AKAP6: variants seen among roughly 807,000 people sequenced by gnomAD.
AKAP6 encodes the protein A-kinase anchoring protein 6, also known as A-kinase anchor protein 6.
In AKAP6, 58 loss-of-function variants were observed where a neutral mutation model predicts 188.5. The ratio of observed to expected loss-of-function variants is 0.31; its 90% confidence interval spans 0.25 to 0.38. The LOEUF is 0.38. Among genes scored for constraint, AKAP6 ranks in the 10% least tolerant of loss-of-function variants. AKAP6 has a pLI of 1.00. For synonymous variants in AKAP6, 989 were observed against 998.6 expected, an observed-to-expected ratio of 0.99 and a Z score of 0.18; for missense variants, 2,710 against 2,740.0, an observed-to-expected ratio of 0.99 and a Z score of 0.24.
chr14:32,398,104 G>C (rs1436382625), intron 1 of AKAP6, among the ~76,000 whole-genome samples: 1 of 152,216 alleles, frequency 6.6e-6, no homozygotes, highest in African/African-American at 2.4e-5. Context: ...TAAGAGAAGA[G>C]AACTCCCTCT....
intron 1 of AKAP6, among the ~76,000 whole-genome samples, chr14:32,335,842 C>CTTTTTTTTTT (rs375076849): frequency 4.6e-4 from 43 of 94,012 alleles, no homozygotes; most frequent in East Asian, 5.7e-4. Context: ...TCCTTTTCTC[C>CTTTTTTTTTT]TTTTTTTTTT....
intron 1 of AKAP6, among the ~76,000 whole-genome samples, chr14:32,411,153 G>A (rs1358224593): frequency 6.6e-6 from 1 of 152,074 alleles, no homozygotes; most frequent in African/African-American, 2.4e-5. Context: ...CATCTAATGA[G>A]TAGAGGCCAC....
At position 32,808,132 on chromosome 14, in the gene AKAP6, T is replaced by C. The variant is rs532291988; in HGVS notation, c.3589-13270T>C. ...TTATTATTTGTGTTACTTTCTTGAATCTTGTCATCCCCAATAATTAGAAAA... is the reference window on the plus strand; with the variant it reads ...TTATTATTTGTGTTACTTTCTTGAACCTTGTCATCCCCAATAATTAGAAAA... On this transcript the variant is annotated intron_variant, in intron 12 of 13. Coordinates refer to ENST00000280979, the MANE Select transcript of AKAP6 (RefSeq NM_004274.5). 1.1e-4 allele frequency among the ~76,000 whole-genome samples: 17 copies of C among 152,358 alleles called. No homozygotes were observed. The East Asian group carries it at 3.3e-3, about 29-fold the overall frequency.
At chr14:32,581,639 G>C (rs1202076526) in intron 5 of AKAP6, among the ~76,000 whole-genome samples, 1 of 152,164 alleles carries the variant, frequency 6.6e-6, no homozygotes, top group South Asian at 2.1e-4. Flanking sequence ...AAGTCTCTTT[G>C]TAGGTCACTC....
At chr14:32,747,858 T>C (rs184829719) in intron 11 of AKAP6, among the ~76,000 whole-genome samples, 1 of 152,354 alleles carries the variant, frequency 6.6e-6, no homozygotes, top group African/African-American at 2.4e-5. Context: ...ATGATTCCTA[T>C]GAAGTAGAGA....
rs541836857 is a variant in AKAP6 at position 32,350,771 on chromosome 14, A to G, written c.-35+21363A>G. Among the ~76,000 whole-genome samples the G allele has an allele frequency of 2.0e-5, 3 of 152,162 alleles. No individual in the cohort carries two copies. In the South Asian group the frequency reaches 6.2e-4, roughly 32 times the overall value. On this transcript the variant is annotated intron_variant, in intron 1 of 13. Transcript: ENST00000280979. ...AAATGTATTAAATGAATAAGTAAAT[A>G]AATATATATATGTATAAATAGTTGA...
intron 4 of AKAP6, among the ~76,000 whole-genome samples, chr14:32,563,359 A>G (rs1359544628): frequency 2.6e-5 from 4 of 152,190 alleles, no homozygotes; most frequent in Non-Finnish European, 5.9e-5. Flanking sequence ...TAAAAATCAT[A>G]TCTGCCACAG....
intron 2 of AKAP6, among the ~76,000 whole-genome samples, chr14:32,472,439 G>A (rs1878834243): frequency 6.6e-6 from 1 of 152,162 alleles, no homozygotes; most frequent in Non-Finnish European, 1.5e-5. Context: ...TTCAATAGAA[G>A]TGTTTTCTCT....
chr14:32,701,496 A>G (rs1169243119), intron 9 of AKAP6, among the ~76,000 whole-genome samples: 1 of 152,114 alleles, frequency 6.6e-6, no homozygotes, highest in East Asian at 1.9e-4. Flanking sequence ...TTAAAATACA[A>G]GGGCTTAGAA....
intron 2 of AKAP6, among the ~76,000 whole-genome samples, chr14:32,527,411 C>T (rs1296358373): frequency 2.6e-5 from 4 of 151,792 alleles, no homozygotes; most frequent in East Asian, 3.9e-4. Context: ...TGAATAAAGC[C>T]GCTATAAACA....
chr14:32,346,462 A>C (rs1046725873), intron 1 of AKAP6, among the ~76,000 whole-genome samples: 3 of 152,220 alleles, frequency 2.0e-5, no homozygotes, highest in Admixed American at 2.0e-4. Context: ...TAACTTCCCA[A>C]AAACTCTGTG....
intron 1 of AKAP6, among the ~76,000 whole-genome samples, chr14:32,388,954 G>A (rs1198578933): frequency 6.6e-6 from 1 of 152,014 alleles, no homozygotes; most frequent in Non-Finnish European, 1.5e-5. Context: ...GTGGAGTACT[G>A]AGGTCCCCCA....
chr14:32,605,113 T>C (rs1886079677), intron 7 of AKAP6, among the ~76,000 whole-genome samples: 1 of 149,414 alleles, frequency 6.7e-6, no homozygotes, highest in South Asian at 2.2e-4. Context: ...CTGAGGATAA[T>C]GGACAAGCCT....
chr14:32,690,678 C>T (rs1399737429), intron 8 of AKAP6, among the ~76,000 whole-genome samples: 3 of 152,222 alleles, frequency 2.0e-5, no homozygotes, highest in African/African-American at 4.8e-5. Flanking sequence ...AAATTTCGCA[C>T]ATCTATTTCT....
At position 32,819,933 on chromosome 14, in the gene AKAP6, G is replaced by A. The variant is rs201453890; in HGVS notation, c.3589-1469G>A. Among the ~76,000 whole-genome samples, 10 of 152,038 alleles carry A rather than the reference G, an allele frequency of 6.6e-5. No individual in the cohort carries two copies. The East Asian group carries it at 1.9e-3, about 29-fold the overall frequency. ...ACTGCACTCCAGCCTGAGCGACAGAGCAAGACTGTGTCAAAAAAAGAAATA... is the reference window on the plus strand; with the variant it reads ...ACTGCACTCCAGCCTGAGCGACAGAACAAGACTGTGTCAAAAAAAGAAATA... On this transcript the variant is annotated intron_variant, in intron 12 of 13. Coordinates refer to ENST00000280979, the MANE Select transcript of AKAP6 (RefSeq NM_004274.5).
chr14:32,356,438 C>A lies in AKAP6; in HGVS notation c.-35+27030C>A, dbSNP rs974497063. ...CTACACCTGCGTTTGCTTCTTATAC[C>A]TCTTCTTCCTGGGGGTTTCTCATCT... On this transcript the variant is annotated intron_variant, in intron 1 of 13. Coordinates refer to ENST00000280979, the MANE Select transcript of AKAP6 (RefSeq NM_004274.5). Among the ~76,000 whole-genome samples the A allele has an allele frequency of 2.6e-5, 4 of 152,132 alleles. No individual in the cohort carries two copies. In the East Asian group the frequency reaches 7.7e-4, roughly 29 times the overall value.
chr14:32,714,046 A>G (rs2030043794), intron 9 of AKAP6, among the ~76,000 whole-genome samples: 1 of 152,042 alleles, frequency 6.6e-6, no homozygotes, highest in Admixed American at 6.6e-5. Context: ...TTGTAGGATT[A>G]TTACTTGGCC....
At chr14:32,571,773 C>T (rs374672320) in intron 4 of AKAP6, among the ~76,000 whole-genome samples, 1 of 152,136 alleles carries the variant, frequency 6.6e-6, no homozygotes, top group South Asian at 2.1e-4. Context: ...GCTCAACTGC[C>T]TTCTGAGAAC....
At chr14:32,400,199 G>C (rs1889036742) in intron 1 of AKAP6, among the ~76,000 whole-genome samples, 1 of 151,838 alleles carries the variant, frequency 6.6e-6, no homozygotes, top group African/African-American at 2.4e-5. Flanking sequence ...CTGAGATAGA[G>C]GAGGTTCCTT....
Sources: gnomAD v4.1 joint callset for allele counts (sites outside exome capture counted in the v4.1 genomes callset) on GRCh38, gnomAD v4.1.1 for gene constraint, MANE v1.5 for transcripts, NCBI Gene and HGNC (gene_info 2026-07-23, HGNC 2026-07-21) for gene names.